The following CACNA1S variants were observed in gnomAD, a reference collection of about 807,000 sequenced individuals.
The protein encoded by CACNA1S is voltage-dependent L-type calcium channel subunit alpha-1S.
CACNA1S carries 126 observed loss-of-function variants against 207.4 expected under a neutral mutation model. The observed-to-expected ratio is 0.61, with a 90% CI of 0.53 to 0.70. The LOEUF (loss-of-function observed/expected upper bound fraction) is 0.70, where lower values mean the gene tolerates loss of function less well. Ranked by LOEUF, CACNA1S falls within the 30% of genes least tolerant of loss-of-function variation. The probability of loss-of-function intolerance (pLI) is 0.00; values close to 1 mark genes in which losing one functional copy is unlikely to be tolerated. For missense variants in CACNA1S, 2,349 were observed against 2,422.8 expected (o/e 0.97, Z 0.64); for synonymous variants, 960 against 932.7 (o/e 1.03, Z -0.53).
rs774653324 is a variant in CACNA1S, at chr1:201,066,308, G to T, written c.2666C>A (p.Ala889Asp). Residue 889 changes from alanine to aspartate, a missense_variant, in exon 21 of 44, where the codon GCC (alanine) becomes GAC (aspartate). Coordinates refer to ENST00000362061, the MANE Select transcript of CACNA1S (RefSeq NM_000069.3). This position sits in a 1 kb window ranked among gnomAD's most constrained non-coding sequence, Gnocchi z 4.3. ...SLISMGLESS[A>D]ISVVKILRVL... ...CCTCAGGATCTTCACCACGGAGATG[G>T]CACTGGACCTGGGGGGCGGCAATGG... 1.2e-6 allele frequency: 2 copies of T among 1,611,250 alleles called. No homozygotes were observed. Among genetic ancestry groups the T allele is most frequent in the Non-Finnish European group, 8.5e-7 (1 of 1,179,926 alleles).
intron 28 of CACNA1S, among the ~76,000 whole-genome samples, chr1:201,057,810 A>G (rs908159884): frequency 2.1e-5 from 2 of 95,832 alleles, no homozygotes; most frequent in Non-Finnish European, 4.0e-5. Context: ...TTTCAAAAAC[A>G]TATTTTTTAA....
intron 39 of CACNA1S, 139 bp downstream of exon 39, chr1:201,044,189 G>A: frequency 1.0e-6 from 1 of 974,004 alleles, no homozygotes; most frequent in South Asian, 1.4e-5. Context: ...GAGGTGGGTG[G>A]TGAAGTGGAG....
At position 201,043,537 on chromosome 1, in the gene CACNA1S, G is replaced by A. The variant is rs766180963; in HGVS notation, c.4798-6C>T. 3.1e-6 allele frequency: 5 copies of A among 1,613,838 alleles called. No homozygotes were observed. Among genetic ancestry groups the A allele is most frequent in the Non-Finnish European group, 4.2e-6 (5 of 1,180,000 alleles). On this transcript the variant is annotated splice_polypyrimidine_tract_variant and splice_region_variant and intron_variant, in intron 39 of 43. Transcript: ENST00000362061. ...CCAAACAGGCCTCCAGTCCTCTAGG[G>A]GCAAGGAGAAGAGCAGTGACTGGGG... is the stretch of plus-strand genomic sequence containing the variant.
In CACNA1S at chr1:201,109,120, C is replaced by T. The variant is rs537586846; in HGVS notation, c.258+1044G>A. Among the ~76,000 whole-genome samples the T allele has an allele frequency of 1.5e-4, 23 of 152,068 alleles. 1 individual carries two copies. The highest frequency in any genetic ancestry group is 3.9e-4 in the African/African-American group (16 of 41,474). On this transcript the variant is annotated intron_variant, in intron 2 of 43. Coordinates refer to ENST00000362061, the MANE Select transcript of CACNA1S (RefSeq NM_000069.3). ...AAAATTATCTGGGCATGGTGGCAGG[C>T]GCCTGTAATCCCAGCTACTTGGGAG...
chr1:201,098,442 G>A (rs528332643), intron 2 of CACNA1S, among the ~76,000 whole-genome samples: 2 of 152,324 alleles, frequency 1.3e-5, no homozygotes. Context: ...CACACGAAGA[G>A]AACAGTGTCA....
At chr1:201,049,130 G>C in intron 34 of CACNA1S, 31 bp from the exon 35 acceptor site, 1 of 1,488,416 alleles carries the variant, frequency 6.7e-7, no homozygotes, top group Non-Finnish European at 9.3e-7. Context: ...TTGTGTACCT[G>C]CTACCCTCCT....
At position 201,091,769 on chromosome 1, in the gene CACNA1S, TG is replaced by T. The variant is rs1553252746; in HGVS notation, c.564del (p.Ile189SerfsTer145). ...GVPSLQVVLN[S>X]IFKAMLPLFH... Reference sequence around the variant, plus strand: ...AAGAGGGGGAGCATGGCCTTGAAGATGGAGTTCAGGACCACCTGCAGGCCTG... The same window carrying T: ...AAGAGGGGGAGCATGGCCTTGAAGATGAGTTCAGGACCACCTGCAGGCCTG... On this transcript the variant is annotated frameshift_variant, in exon 5 of 44. Coordinates refer to ENST00000362061, the MANE Select transcript of CACNA1S (RefSeq NM_000069.3). LOFTEE classifies it high-confidence loss of function. 6.2e-7 allele frequency: 1 copy of T among 1,613,978 alleles called. No homozygotes were observed. Among genetic ancestry groups the T allele is most frequent in the Non-Finnish European group, 8.5e-7 (1 of 1,179,900 alleles).
intron 28 of CACNA1S, among the ~76,000 whole-genome samples, chr1:201,057,691 G>A (rs957819835): frequency 2.0e-5 from 3 of 152,190 alleles, no homozygotes; most frequent in African/African-American, 7.2e-5. Flanking sequence ...GCTCAGCGCG[G>A]TGGCTCACAC....
At chr1:201,093,032 T>C (rs1220723750) in intron 3 of CACNA1S, among the ~76,000 whole-genome samples, 1 of 152,224 alleles carries the variant, frequency 6.6e-6, no homozygotes, top group African/African-American at 2.4e-5. Flanking sequence ...GTGGCAAGAA[T>C]TAAGTGAGAG....
chr1:201,080,724 G>T (rs1359480774), intron 10 of CACNA1S, among the ~76,000 whole-genome samples: 1 of 135,622 alleles, frequency 7.4e-6, no homozygotes, highest in Non-Finnish European at 1.8e-5. Context: ...TTCCTTATTT[G>T]GTTTGCAGTT....
At position 201,066,346 on chromosome 1, in the gene CACNA1S, G is replaced by A. The variant is rs779478640; in HGVS notation, c.2658-30C>T. The A allele has an allele frequency of 6.3e-7, 1 of 1,583,274 alleles. No individual in the cohort carries two copies. Among genetic ancestry groups the A allele is most frequent in the Non-Finnish European group, 8.6e-7 (1 of 1,160,780 alleles). ...GGGGCGGCAATGGTGAGGGGGCTGAGGGCAGCCTGCTCCAGCCAGCCCAGT... is the reference window on the plus strand; with the variant it reads ...GGGGCGGCAATGGTGAGGGGGCTGAAGGCAGCCTGCTCCAGCCAGCCCAGT... On this transcript the variant is annotated intron_variant, in intron 20 of 43. Coordinates refer to ENST00000362061, the MANE Select transcript of CACNA1S (RefSeq NM_000069.3). The surrounding 1 kb of genome is among the most constrained non-coding windows in gnomAD (Gnocchi z 4.3).
intron 26 of CACNA1S, 73 bp from the exon 27 acceptor site, chr1:201,059,372 C>A: frequency 2.2e-6 from 2 of 904,184 alleles, no homozygotes; most frequent in Admixed American, 1.9e-5. Context: ...ATTCCCAGAG[C>A]CCCTGCCTCT....
intron 27 of CACNA1S, 81 bp downstream of exon 27, chr1:201,059,108 G>C: frequency 1.1e-6 from 1 of 882,424 alleles, no homozygotes; most frequent in Non-Finnish European, 1.9e-6. Context: ...GATAGGATGA[G>C]GGATGGGGGT....
rs548844911 is a variant in CACNA1S, at chr1:201,043,160, C to T, written c.5048+121G>A. 3.4e-4 allele frequency: 450 copies of T among 1,327,356 alleles called. 2 individuals carry two copies. The East Asian group carries it at 0.01, about 30-fold the overall frequency. 82.2% of individuals were successfully genotyped at this position (1,327,356 alleles called of 1,614,324 possible). A position where few individuals can be genotyped will look rare whatever the true frequency, so the allele number is the denominator to read the frequency against. On this transcript the variant is annotated intron_variant, in intron 40 of 43. Transcript: ENST00000362061. ...CATTAAGGTTCAGGATGGATTGGGG[C>T]ACAAAGGCAAGCAAAAGACACCCTA...
At chr1:201,102,572 C>A (rs1235612045) in intron 2 of CACNA1S, among the ~76,000 whole-genome samples, 3 of 152,224 alleles carry the variant, frequency 2.0e-5, no homozygotes, top group African/African-American at 7.2e-5. Context: ...CATACCCATA[C>A]CCAACACGCA....
intron 2 of CACNA1S, among the ~76,000 whole-genome samples, chr1:201,107,485 TG>T (rs1428178437): frequency 6.6e-6 from 1 of 152,220 alleles, no homozygotes; most frequent in East Asian, 1.9e-4. Flanking sequence ...TCTGTGAAGA[TG>T]GGAAATGTGT....
chr1:201,057,099 T>C (rs962552767), intron 28 of CACNA1S, among the ~76,000 whole-genome samples: 1 of 152,242 alleles, frequency 6.6e-6, no homozygotes, highest in Non-Finnish European at 1.5e-5. Flanking sequence ...CTGTTCACAC[T>C]TAAACCCTCC....
intron 39 of CACNA1S, among the ~76,000 whole-genome samples, chr1:201,043,941 T>A (rs1660386053): frequency 6.6e-6 from 1 of 152,028 alleles, no homozygotes; most frequent in African/African-American, 2.4e-5. Context: ...TAGGTGTCAT[T>A]AAAGACCTTC....
intron 19 of CACNA1S, among the ~76,000 whole-genome samples, chr1:201,068,739 G>A (rs912155672): frequency 4.6e-5 from 7 of 151,918 alleles, no homozygotes; most frequent in Non-Finnish European, 1.0e-4. Flanking sequence ...GGGTGTGGTG[G>A]CAGACGCCTG....
Sources: allele counts gnomAD v4.1 joint callset (sites outside exome capture counted in the v4.1 genomes callset), GRCh38; gene constraint gnomAD v4.1.1; non-coding constraint Gnocchi (gnomAD v3.1); transcripts MANE v1.5; gene names NCBI Gene and HGNC (gene_info 2026-07-23, HGNC 2026-07-21).